NDST3: variants seen among roughly 807,000 people sequenced by gnomAD.
The protein encoded by NDST3 is N-deacetylase and N-sulfotransferase 3, also known as bifunctional heparan sulfate N-deacetylase/N-sulfotransferase 3.
In NDST3, 58 loss-of-function variants were observed where a neutral mutation model predicts 96.1. The ratio of observed to expected loss-of-function variants is 0.60; its 90% CI spans 0.49 to 0.75. The LOEUF (loss-of-function observed/expected upper bound fraction) is 0.75, where lower values mean the gene tolerates loss of function less well. Ranked by LOEUF, NDST3 falls within the 30% of genes least tolerant of loss-of-function variation. The pLI is 0.00. For synonymous variants in NDST3, 333 were observed against 359.7 expected (o/e 0.93, Z 0.84); for missense variants, 788 against 1,034.2 (o/e 0.76, Z 3.27).
At chr4:118,111,841 T>C (rs907949489) in intron 3 of NDST3, among the ~76,000 whole-genome samples, 1 of 151,300 alleles carries the variant, frequency 6.6e-6, no homozygotes, top group Non-Finnish European at 1.5e-5. Context: ...GATTTCACTA[T>C]GATATTCAGG....
intron 2 of NDST3, among the ~76,000 whole-genome samples, chr4:118,091,721 T>C (rs1435367564): frequency 6.6e-6 from 1 of 151,742 alleles, no homozygotes; most frequent in Non-Finnish European, 1.5e-5. Flanking sequence ...ACAGTAGCAA[T>C]ATGTTTGTGC....
chr4:118,168,226 AAC>A (rs1735685932), intron 6 of NDST3, among the ~76,000 whole-genome samples: 1 of 152,026 alleles, frequency 6.6e-6, no homozygotes, highest in Non-Finnish European at 1.5e-5. Context: ...AATAGCAAAA[AAC>A]AAAAACAAAT....
In NDST3 at chr4:118,066,918, T is replaced by A. The variant is rs1361769412; in HGVS notation, c.981+12027T>A. On this transcript the variant is annotated intron_variant, in intron 2 of 13. Coordinates refer to ENST00000296499, the MANE Select transcript of NDST3 (RefSeq NM_004784.3). ...ACATTATATATAACATGTTATATATTATATATACATTATATATAACATGTT... is the reference window on the plus strand; with the variant it reads ...ACATTATATATAACATGTTATATATAATATATACATTATATATAACATGTT... 5.1e-5 allele frequency among the ~76,000 whole-genome samples: 6 copies of A among 117,510 alleles called. 2 individuals are homozygous for A. Among genetic ancestry groups the A allele is most frequent in the African/African-American group, 1.9e-4 (6 of 32,152 alleles). The allele number at this position is 117,510 out of a possible 152,430, so 77.1% of individuals were successfully genotyped here. A position where few individuals can be genotyped will look rare whatever the true frequency, so the allele number is the denominator to read the frequency against.
At chr4:118,149,490 C>T (rs374490034) in intron 6 of NDST3, among the ~76,000 whole-genome samples, 2 of 135,156 alleles carry the variant, frequency 1.5e-5, no homozygotes, top group Non-Finnish European at 1.7e-5. Flanking sequence ...AAGTTGGATT[C>T]CGAGGTATTT....
At chr4:118,252,239 A>G (rs1169389602) in intron 12 of NDST3, among the ~76,000 whole-genome samples, 1 of 152,244 alleles carries the variant, frequency 6.6e-6, no homozygotes. Flanking sequence ...TGCTTTATTT[A>G]CAGTGAATAA....
At chr4:118,213,840 T>C (rs182556429) in intron 6 of NDST3, among the ~76,000 whole-genome samples, 4 of 152,066 alleles carry the variant, frequency 2.6e-5, no homozygotes, top group Admixed American at 2.6e-4. Flanking sequence ...GTATAATTTT[T>C]AAAAGCAAAA....
chr4:118,232,955 A>G (rs1740404911), intron 8 of NDST3, 57 bp from the exon 9 acceptor site: 2 of 1,517,700 alleles, frequency 1.3e-6, no homozygotes, highest in Admixed American at 3.5e-5. Context: ...TAAAGTGTTG[A>G]TCATAGGAAA....
intron 9 of NDST3, among the ~76,000 whole-genome samples, chr4:118,236,545 C>T (rs1422953402): frequency 6.6e-6 from 1 of 152,190 alleles, no homozygotes; most frequent in Non-Finnish European, 1.5e-5. Flanking sequence ...TACTCTGCAT[C>T]TTTCACACTA....
At chr4:118,185,714 T>A (rs931777079) in intron 6 of NDST3, among the ~76,000 whole-genome samples, 1 of 152,112 alleles carries the variant, frequency 6.6e-6, no homozygotes, top group Non-Finnish European at 1.5e-5. Flanking sequence ...GATTGGTTGG[T>A]TACAGTTCAG....
At chr4:118,167,801 C>T (rs1735661192) in intron 6 of NDST3, among the ~76,000 whole-genome samples, 1 of 151,694 alleles carries the variant, frequency 6.6e-6, no homozygotes, top group Non-Finnish European at 1.5e-5. Flanking sequence ...TCAAGAATAC[C>T]CAATGAGGAA....
chr4:118,169,443 A>T (rs549203500), intron 6 of NDST3, among the ~76,000 whole-genome samples: 15 of 152,270 alleles, frequency 9.9e-5, no homozygotes, highest in Admixed American at 5.2e-4. Flanking sequence ...AAAGAGGCTT[A>T]AAAAAACATT....
rs1037388307 is a variant in NDST3 at position 118,204,660 on chromosome 4, T to C, written c.1540-19831T>C. On this transcript the variant is annotated intron_variant, in intron 6 of 13. Transcript: ENST00000296499. ...AAATCTTTATGCCAAACTTAAAGTA[T>C]GTAAGGAAGCAACTTTAGGATAAAC... 1.2e-4 allele frequency among the ~76,000 whole-genome samples: 18 copies of C among 144,868 alleles called. 1 individual carries two copies. The East Asian group carries it at 2.4e-3, about 19-fold the overall frequency.
chr4:118,227,228 T>G (rs1200711103), intron 8 of NDST3, among the ~76,000 whole-genome samples: 1 of 33,934 alleles, frequency 2.9e-5, no homozygotes, highest in African/African-American at 4.8e-5. Context: ...GTAGCACATG[T>G]TTTTTTTTTT....
chr4:118,182,354 A>C (rs1736664213), intron 6 of NDST3, among the ~76,000 whole-genome samples: 3 of 152,216 alleles, frequency 2.0e-5, no homozygotes, highest in Non-Finnish European at 4.4e-5. Flanking sequence ...ATAGTGACTC[A>C]AACCAATAAT....
intron 4 of NDST3, 69 bp downstream of exon 4, chr4:118,115,029 G>A: frequency 1.3e-6 from 2 of 1,523,518 alleles, no homozygotes; most frequent in Non-Finnish European, 1.8e-6. Context: ...TTCTTACATT[G>A]TGGCATAGTT....
At chr4:118,177,730 A>G (rs1457545385) in intron 6 of NDST3, among the ~76,000 whole-genome samples, 1 of 152,000 alleles carries the variant, frequency 6.6e-6, no homozygotes, top group Non-Finnish European at 1.5e-5. Context: ...ATTATAAAGT[A>G]TATCAAGGCT....
intron 2 of NDST3, among the ~76,000 whole-genome samples, chr4:118,060,820 C>T (rs1212351034): frequency 6.6e-6 from 1 of 152,052 alleles, no homozygotes; most frequent in African/African-American, 2.4e-5. Context: ...AGTTCTTTAT[C>T]TCCAATAATG....
At chr4:118,191,674 T>C (rs61586930) in intron 6 of NDST3, among the ~76,000 whole-genome samples, 12,855 of 152,178 alleles carry the variant, frequency 0.084, 1,270 homozygotes, top group African/African-American at 0.25. Flanking sequence ...TAATGGAAAA[T>C]GGGAATTGCA....
rs112922942 is a variant in NDST3 at position 118,080,517 on chromosome 4, T to C, written c.982-24501T>C. ...TGATTTGAGAGTCTAAATGAATTCT[T>C]TATTTCACTCTTTATTTTTAGGGAA... On this transcript the variant is annotated intron_variant, in intron 2 of 13. Coordinates refer to ENST00000296499, the MANE Select transcript of NDST3 (RefSeq NM_004784.3). Among the ~76,000 whole-genome samples, 78 of 152,254 alleles carry C rather than the reference T, an allele frequency of 5.1e-4. 2 individuals carry two copies. The highest frequency in any genetic ancestry group is 1.7e-3 in the African/African-American group (70 of 41,550).
Sources: allele counts gnomAD v4.1 joint callset (sites outside exome capture counted in the v4.1 genomes callset), GRCh38; gene constraint gnomAD v4.1.1; transcripts MANE v1.5; gene names NCBI Gene and HGNC (gene_info 2026-07-23, HGNC 2026-07-21).